The following RABGAP1L variants were observed in gnomAD, a reference collection of about 807,000 sequenced individuals.
RABGAP1L encodes the protein RAB GTPase activating protein 1 like.
Under a neutral mutation model 137.7 loss-of-function variants are expected in RABGAP1L, and 63 were observed. The ratio of observed to expected loss-of-function variants is 0.46; its 90% CI spans 0.37 to 0.56. The LOEUF is 0.56. RABGAP1L is among the 20% of genes least tolerant of loss of function. RABGAP1L has a pLI of 0.00. For synonymous variants in RABGAP1L, 431 were observed against 433.7 expected, an observed-to-expected ratio of 0.99 and a Z score of 0.08; for missense variants, 1,095 against 1,244.0, an observed-to-expected ratio of 0.88 and a Z score of 1.80.
At position 174,195,751 on chromosome 1, in the gene RABGAP1L, CTCT is replaced by C. The variant is rs1426654323; in HGVS notation, c.-33-23373_-33-23371del. 1.7e-3 allele frequency among the ~76,000 whole-genome samples: 223 copies of C among 127,754 alleles called. 1 individual carries two copies. Among genetic ancestry groups the C allele is most frequent in the African/African-American group, 6.5e-3 (214 of 33,134 alleles). The allele number at this position is 127,754 out of a possible 152,430, so 83.8% of individuals were successfully genotyped here. The stretch of plus-strand genomic sequence containing the variant: ...CTTTCTTTTCTTTCTTTCTTTCTTT[CTCT>C]CTTTCTCTCTTTCTCTCTTTCCTTT... On this transcript the variant is annotated intron_variant, in intron 1 of 25. Transcript: ENST00000681986.
At chr1:174,557,201 C>T (rs1444318227) in intron 13 of RABGAP1L, among the ~76,000 whole-genome samples, 1 of 152,182 alleles carries the variant, frequency 6.6e-6, no homozygotes, top group African/African-American at 2.4e-5. Context: ...AAGATCAAGC[C>T]TGAGATTCCC....
chr1:174,340,938 CTT>C (rs779503871), intron 11 of RABGAP1L, among the ~76,000 whole-genome samples: 95 of 152,254 alleles, frequency 6.2e-4, no homozygotes, highest in Admixed American at 1.6e-3. Context: ...TGTTTCTTGA[CTT>C]TTAAATAATC....
chr1:174,568,274 G>A (rs1440149523), intron 13 of RABGAP1L, among the ~76,000 whole-genome samples: 1 of 152,076 alleles, frequency 6.6e-6, no homozygotes, highest in Non-Finnish European at 1.5e-5. Flanking sequence ...CATTTATGAG[G>A]GTCTGCCCCC....
chr1:174,940,452 A>AAT (rs1558258855), intron 19 of RABGAP1L, among the ~76,000 whole-genome samples: 9 of 151,368 alleles, frequency 5.9e-5, no homozygotes, highest in African/African-American at 2.2e-4. Context: ...TTTTTTTAAA[A>AAT]TTTTTTGTAG....
At chr1:174,669,582 C>T (rs574234756) in intron 14 of RABGAP1L, among the ~76,000 whole-genome samples, 32 of 152,244 alleles carry the variant, frequency 2.1e-4, no homozygotes, top group African/African-American at 6.5e-4. Flanking sequence ...TGAGCGTTTT[C>T]TCTTTATTTT....
chr1:174,637,415 G>T lies in RABGAP1L; in HGVS notation c.1751G>T (p.Arg584Leu). The change falls in exon 14 of 26, where the codon CGT becomes CTT. Residue 584 changes from arginine to leucine, a missense_variant. By Grantham distance (102) the Arg-to-Leu change is moderately radical. This residue lies in a region of RABGAP1L where 315 missense variants were observed against 324.8 expected (regional missense o/e 0.97). Coordinates refer to ENST00000681986, the MANE Select transcript of RABGAP1L (RefSeq NM_001366446.1). Reference sequence around the variant, plus strand: ...AGTGTTATTACTCGAGATATTCATCGTACATTTCCCGCACATGATTACTTT... The same window carrying T: ...AGTGTTATTACTCGAGATATTCATCTTACATTTCCCGCACATGATTACTTT... ...QESVITRDIH[R>L]TFPAHDYFKD... 1 of 1,613,004 alleles carries T rather than the reference G, an allele frequency of 6.2e-7. No individual in the cohort carries two copies. Among genetic ancestry groups the T allele is most frequent in the Non-Finnish European group, 8.5e-7 (1 of 1,179,136 alleles).
At chr1:174,797,094 A>T (rs1688300341) in intron 18 of RABGAP1L, among the ~76,000 whole-genome samples, 2 of 152,296 alleles carry the variant, frequency 1.3e-5, no homozygotes, top group Middle Eastern at 6.8e-3. Flanking sequence ...GAGCCAAACC[A>T]TACAGTTCCA....
At chr1:174,877,341 T>G in intron 19 of RABGAP1L, 29 of 1,276,624 alleles carry the variant, frequency 2.3e-5, no homozygotes, top group East Asian at 2.8e-5. Context: ...TTTTTTTTTC[T>G]TTCTCTTTCT....
intron 13 of RABGAP1L, chr1:174,548,227 G>A: frequency 5.7e-6 from 8 of 1,415,300 alleles, no homozygotes; most frequent in Non-Finnish European, 7.3e-6. Context: ...ATAATCTACA[G>A]AATTGAAGCC....
chr1:174,985,403 G>T (rs1433490574), intron 24 of RABGAP1L, among the ~76,000 whole-genome samples: 1 of 152,088 alleles, frequency 6.6e-6, no homozygotes, highest in Non-Finnish European at 1.5e-5. Flanking sequence ...AATTAAAAAA[G>T]AAAAAGACAG....
At chr1:174,327,298 G>A (rs1680514915) in intron 11 of RABGAP1L, among the ~76,000 whole-genome samples, 1 of 143,720 alleles carries the variant, frequency 7.0e-6, no homozygotes, top group Non-Finnish European at 1.5e-5. Context: ...TGTAAATTAT[G>A]TATATAATAA....
At chr1:174,440,226 G>A (rs74126805) in intron 13 of RABGAP1L, among the ~76,000 whole-genome samples, 53,592 of 152,058 alleles carry the variant, frequency 0.35, 12,106 homozygotes, top group African/African-American at 0.64. Context: ...ACCAGTTTTT[G>A]TAGCACCTAT....
In RABGAP1L at chr1:174,227,367, A is replaced by AT. The variant is rs761462482; in HGVS notation, c.332-3763dup. On this transcript the variant is annotated intron_variant, in intron 3 of 25. Transcript: ENST00000681986. ...AGGTGCATGCCACCATGCCCAGCTA[A>AT]TTTTTTTTTTTTTTTAGTAGAGATG... 5.9e-3 allele frequency among the ~76,000 whole-genome samples: 844 copies of AT among 142,736 alleles called. 2 individuals are homozygous for AT. The highest frequency in any genetic ancestry group is 0.022 in the South Asian group (99 of 4,462). The allele number at this position is 142,736 out of a possible 152,430, so 93.6% of individuals were successfully genotyped here.
intron 13 of RABGAP1L, among the ~76,000 whole-genome samples, chr1:174,401,845 C>T (rs1648625954): frequency 6.6e-6 from 1 of 152,276 alleles, no homozygotes; most frequent in African/African-American, 2.4e-5. Context: ...AGACTGGATA[C>T]AGCCATTTCT....
intron 20 of RABGAP1L, among the ~76,000 whole-genome samples, chr1:174,968,321 T>C (rs1219886186): frequency 2.0e-5 from 3 of 152,236 alleles, no homozygotes; most frequent in Non-Finnish European, 4.4e-5. Flanking sequence ...CTCATGACAT[T>C]AGTCTTTCCT....
chr1:174,547,127 A>G (rs1383817790), intron 13 of RABGAP1L, among the ~76,000 whole-genome samples: 1 of 151,620 alleles, frequency 6.6e-6, no homozygotes, highest in Non-Finnish European at 1.5e-5. Context: ...CTGAGTTTTG[A>G]CATAGAGATT....
intron 19 of RABGAP1L, among the ~76,000 whole-genome samples, chr1:174,834,277 T>C (rs377619691): frequency 3.3e-5 from 5 of 151,870 alleles, no homozygotes; most frequent in African/African-American, 1.2e-4. Flanking sequence ...AAATACAAAA[T>C]TAGCAGGGTG....
At chr1:174,758,665 A>G (rs1046754624) in intron 18 of RABGAP1L, among the ~76,000 whole-genome samples, 1 of 152,040 alleles carries the variant, frequency 6.6e-6, no homozygotes, top group Non-Finnish European at 1.5e-5. Context: ...GTATATATTA[A>G]TATATCACAT....
intron 11 of RABGAP1L, among the ~76,000 whole-genome samples, chr1:174,309,018 C>A (rs1323734618): frequency 6.6e-6 from 1 of 151,950 alleles, no homozygotes; most frequent in Non-Finnish European, 1.5e-5. Flanking sequence ...CAGTATATCA[C>A]TCCACTTATT....
Sources: allele counts gnomAD v4.1 joint callset (sites outside exome capture counted in the v4.1 genomes callset), GRCh38; gene constraint gnomAD v4.1.1; regional missense constraint gnomAD v4.1.1; transcripts MANE v1.5; gene names NCBI Gene and HGNC (gene_info 2026-07-23, HGNC 2026-07-21).